Variants in VPS13D observed in about 807,000 individuals in gnomAD.
VPS13D encodes the protein intermembrane lipid transfer protein VPS13D.
A neutral mutation model predicts 461.9 loss-of-function variants in VPS13D; 187 were observed. The ratio of observed to expected loss-of-function variants is 0.40; its 90% confidence interval spans 0.36 to 0.46. The LOEUF (loss-of-function observed/expected upper bound fraction) is 0.46, where lower values mean the gene tolerates loss of function less well. VPS13D is among the 20% of genes least tolerant of loss of function. The pLI, the probability that VPS13D is intolerant of heterozygous loss-of-function variation, is 0.60. For missense variants in VPS13D, 4,711 were observed against 5,364.9 expected (o/e 0.88, Z 3.81); for synonymous variants, 1,951 against 1,986.3 (o/e 0.98, Z 0.47).
At chr1:12,292,139 A>T (rs1349577268) in intron 23 of VPS13D, among the ~76,000 whole-genome samples, 2 of 151,558 alleles carry the variant, frequency 1.3e-5, no homozygotes, top group African/African-American at 4.8e-5. Context: ...GGTACCTGTA[A>T]TCCCAGCTAG....
chr1:12,314,610 A>C (rs1429853814), intron 30 of VPS13D, among the ~76,000 whole-genome samples: 1 of 152,208 alleles, frequency 6.6e-6, no homozygotes, highest in African/African-American at 2.4e-5. Context: ...TTAATTTGTA[A>C]AGTGGCTTGG....
At chr1:12,420,151 T>TTTTTTTTTTTTTTTTTTTTTTTTG (rs1644844611) in intron 65 of VPS13D, among the ~76,000 whole-genome samples, 1 of 152,202 alleles carries the variant, frequency 6.6e-6, no homozygotes, top group African/African-American at 2.4e-5. Context: ...GACCACTTCT[T>TTTTTTTTTTTTTTTTTTTTTTTTG]ATAGGAAATG....
intron 67 of VPS13D, among the ~76,000 whole-genome samples, chr1:12,462,726 C>G (rs905139272): frequency 6.6e-6 from 1 of 152,346 alleles, no homozygotes; most frequent in East Asian, 1.9e-4. Context: ...ATAGTTTCTT[C>G]CCTGCTGACT....
At chr1:12,393,333 C>T (rs534081936) in intron 60 of VPS13D, among the ~76,000 whole-genome samples, 11 of 152,198 alleles carry the variant, frequency 7.2e-5, no homozygotes, top group East Asian at 1.9e-4. Flanking sequence ...TATACCCCTG[C>T]GGTTAGGACA....
chr1:12,494,484 C>T lies in VPS13D; in HGVS notation c.12663-3016C>T, dbSNP rs570910578. 3.3e-5 allele frequency among the ~76,000 whole-genome samples: 5 copies of T among 152,268 alleles called. No homozygotes were observed. In the South Asian group the frequency reaches 6.2e-4, roughly 19 times the overall value. Reference sequence around the variant, plus strand: ...AGATCAACAAGGTGAGCCCTTTACTCCCATTCTCAACTATTCTGGAGCTGT... The same window carrying T: ...AGATCAACAAGGTGAGCCCTTTACTTCCATTCTCAACTATTCTGGAGCTGT... On this transcript the variant is annotated intron_variant, in intron 67 of 69. Transcript: ENST00000620676.
At chr1:12,382,851 T>A in intron 57 of VPS13D, 125 bp from the exon 58 acceptor site, 1 of 804,156 alleles carries the variant, frequency 1.2e-6, no homozygotes, top group Non-Finnish European at 2.0e-6. Flanking sequence ...AAGGCTTTGT[T>A]GCACATTGAT....
At position 12,283,595 on chromosome 1, in the gene VPS13D, CTTT is replaced by C. The variant is rs751448568; in HGVS notation, c.5497_5499del (p.Phe1833del). On this transcript the variant is annotated inframe_deletion, in exon 21 of 70. Transcript: ENST00000620676. ...TGCAAACCTGGGTTGTGATATTAGACTTTTTTGGAATCGGCTCCACTGCAGACA... is the reference window on the plus strand; with the variant it reads ...TGCAAACCTGGGTTGTGATATTAGACTTTGGAATCGGCTCCACTGCAGACA... 1 of 1,614,166 alleles carries C rather than the reference CTTT, an allele frequency of 6.2e-7. No homozygotes were observed. The highest frequency in any genetic ancestry group is 8.5e-7 in the Non-Finnish European group (1 of 1,180,022).
At chr1:12,358,326 A>T in intron 49 of VPS13D, 133 bp from the exon 50 acceptor site, 3 of 1,228,202 alleles carry the variant, frequency 2.4e-6, no homozygotes, top group Non-Finnish European at 3.4e-6. Context: ...AGGGAATCAC[A>T]TGAGAGTGAG....
chr1:12,277,922 T>C lies in VPS13D; in HGVS notation c.4334T>C (p.Val1445Ala), dbSNP rs769813120. Residue 1445 changes from valine to alanine, a missense_variant, in exon 19 of 70, where the codon GTT (valine) becomes GCT (alanine). By Grantham distance (64) the Val-to-Ala change is moderately conservative. Around this residue, in one of 3 missense-constraint regions of VPS13D, gnomAD observed 4,411 missense variants for 4,937.8 expected, o/e 0.89. Coordinates refer to ENST00000620676, the MANE Select transcript of VPS13D (RefSeq NM_015378.4). ...ACCCAGTTGGCAGGTAGAGAAGCTG[T>C]TGGGTCTGAAGGAAGCCGGATGTTT... ...NCTQLAGREA[V>A]GSEGSRMFCP... 2 of 1,614,142 alleles carry C rather than the reference T, an allele frequency of 1.2e-6. No homozygotes were observed. The highest frequency in any genetic ancestry group is 2.2e-5 in the East Asian group (1 of 44,878).
chr1:12,382,393 G>T (rs959498039), intron 57 of VPS13D, among the ~76,000 whole-genome samples: 1 of 152,050 alleles, frequency 6.6e-6, no homozygotes, highest in Non-Finnish European at 1.5e-5. Flanking sequence ...GAGCCACCTC[G>T]CCTGGCTTGA....
intron 65 of VPS13D, among the ~76,000 whole-genome samples, chr1:12,418,779 A>T (rs1251297496): frequency 1.3e-5 from 2 of 152,198 alleles, no homozygotes; most frequent in African/African-American, 4.8e-5. Context: ...AATGAAAACC[A>T]ATCTATTATG....
chr1:12,283,754 T>C lies in VPS13D; in HGVS notation c.5634+18T>C. 1 of 1,596,036 alleles carries C rather than the reference T, an allele frequency of 6.3e-7. No homozygotes were observed. Among genetic ancestry groups the C allele is most frequent in the Non-Finnish European group, 8.5e-7 (1 of 1,169,948 alleles). On this transcript the variant is annotated intron_variant, in intron 21 of 69. Coordinates refer to ENST00000620676, the MANE Select transcript of VPS13D (RefSeq NM_015378.4). ...ATCTCAAGGTATCCTCAGTTCCCTT[T>C]GGCTCCCTTAAGCTCTAAAAATGGA... is the stretch of plus-strand genomic sequence containing the variant.
At chr1:12,450,258 C>T (rs1645245538) in intron 65 of VPS13D, among the ~76,000 whole-genome samples, 1 of 152,176 alleles carries the variant, frequency 6.6e-6, no homozygotes. Flanking sequence ...GATTCCTTTG[C>T]TCCTGCTTGT....
intron 69 of VPS13D, 79 bp from the exon 70 acceptor site, chr1:12,508,814 G>A: frequency 6.6e-7 from 1 of 1,519,126 alleles, no homozygotes; most frequent in Non-Finnish European, 9.0e-7. Context: ...AGCTGGGCTG[G>A]GAGCCGCCAC....
At chr1:12,465,241 A>C (rs570597151) in intron 67 of VPS13D, 2 of 152,330 alleles carry the variant, frequency 1.3e-5, no homozygotes, top group Admixed American at 1.3e-4. Context: ...GGGGTGCATG[A>C]CATTTTAGGT....
Position 12,261,319 on chromosome 1 carries a change from A to G in VPS13D, c.1414+170A>G, listed in dbSNP as rs565406512. On this transcript the variant is annotated intron_variant, in intron 12 of 69. Transcript: ENST00000620676. ...GAGATACTCCATTTGTAACTCTGTG[A>G]CTAAATGTGCGTATTAATGCAGTTT... Among the ~76,000 whole-genome samples, 4 of 152,356 alleles carry G rather than the reference A, an allele frequency of 2.6e-5. No homozygotes were observed. In the East Asian group the frequency reaches 7.7e-4, roughly 29 times the overall value.
chr1:12,292,111 T>G (rs1322854604), intron 23 of VPS13D, among the ~76,000 whole-genome samples: 11 of 151,576 alleles, frequency 7.3e-5, no homozygotes, highest in Non-Finnish European at 1.3e-4. Context: ...ATATAAAAAT[T>G]AGCGGGGTGT....
chr1:12,315,858 C>G (rs1408962331), intron 30 of VPS13D, among the ~76,000 whole-genome samples: 1 of 152,118 alleles, frequency 6.6e-6, no homozygotes, highest in Non-Finnish European at 1.5e-5. Context: ...ACTCTGTCGC[C>G]TAGGCTGGAG....
chr1:12,364,616 C>G (rs1019615105), intron 52 of VPS13D, among the ~76,000 whole-genome samples: 2 of 152,166 alleles, frequency 1.3e-5, no homozygotes, highest in South Asian at 4.1e-4. Context: ...CACAGGATTC[C>G]ACTTTCTCCA....
Sources: allele counts gnomAD v4.1 joint callset (sites outside exome capture counted in the v4.1 genomes callset), GRCh38; gene constraint gnomAD v4.1.1; regional missense constraint gnomAD v4.1.1; transcripts MANE v1.5; gene names NCBI Gene and HGNC (gene_info 2026-07-23, HGNC 2026-07-21).